The following TRAPPC13 variants were observed in gnomAD, a reference collection of about 807,000 sequenced individuals.
TRAPPC13 encodes the protein trafficking protein particle complex subunit 13.
TRAPPC13 carries 39 observed loss-of-function variants against 54.0 expected under a neutral mutation model. That is an observed-to-expected ratio of 0.72 (90% CI 0.56 to 0.94). TRAPPC13 has a LOEUF of 0.94. Ranked by LOEUF, TRAPPC13 falls within the 40% of genes least tolerant of loss-of-function variation. TRAPPC13 has a pLI of 0.00. For missense variants in TRAPPC13, 386 were observed against 488.1 expected (o/e 0.79, Z 1.97); for synonymous variants, 148 against 167.7 (o/e 0.88, Z 0.91).
In TRAPPC13 at chr5:65,643,130, G is replaced by T. The variant is rs183131900; in HGVS notation, c.301-3925G>T. ...GTATTTCACCTTCTACCCAAGGGTT[G>T]TTTAATGGAAAAGCTTTTTAGGGGG... On this transcript the variant is annotated intron_variant, in intron 4 of 12. Coordinates refer to ENST00000399438, the MANE Select transcript of TRAPPC13 (RefSeq NM_024941.4). Among the ~76,000 whole-genome samples, 911 of 149,980 alleles carry T rather than the reference G, an allele frequency of 6.1e-3. 10 individuals are homozygous for T. Among genetic ancestry groups the T allele is most frequent in the Middle Eastern group, 0.014 (4 of 290 alleles).
At chr5:65,633,313 C>G (rs958482261) in intron 1 of TRAPPC13, among the ~76,000 whole-genome samples, 5 of 151,470 alleles carry the variant, frequency 3.3e-5, no homozygotes, top group African/African-American at 9.7e-5. Context: ...CGGGGTCTTG[C>G]TCTGTTGCCC....
Position 65,652,538 on chromosome 5 carries a change from A to G in TRAPPC13, c.539A>G (p.Asn180Ser). 6.2e-7 allele frequency: 1 copy of G among 1,607,300 alleles called. No homozygotes were observed. The highest frequency in any genetic ancestry group is 8.5e-7 in the Non-Finnish European group (1 of 1,174,336). Residue 180 changes from asparagine (N) to serine (S), a missense_variant, in exon 7 of 13, where the codon AAT becomes AGT. By Grantham distance (46) the Asn-to-Ser change is conservative. Transcript: ENST00000399438. ...KPLDVKTKFY[N>S]AESDLSSVTD... ...TTGGATGTGAAAACCAAATTTTACA[A>G]TGCAGAGGTAAGTGTTGAGTGTTTA...
At chr5:65,635,196 T>C (rs1482921421) in intron 1 of TRAPPC13, 105 bp from the exon 2 acceptor site, 8 of 931,742 alleles carry the variant, frequency 8.6e-6, no homozygotes, top group Non-Finnish European at 1.3e-5. Context: ...ATTTAGGTTA[T>C]ATTTTATGTT....
chr5:65,658,106 T>C, intron 8 of TRAPPC13: 1 of 291,162 alleles, frequency 3.4e-6, no homozygotes, highest in Admixed American at 5.1e-5. Flanking sequence ...GTTAAGTATT[T>C]TGGGATGTTA....
intron 7 of TRAPPC13, among the ~76,000 whole-genome samples, chr5:65,653,433 A>C (rs35112421): frequency 0.034 from 5,252 of 152,280 alleles, 146 homozygotes; most frequent in Middle Eastern, 0.088. Flanking sequence ...TTACTCAGTA[A>C]AATTTATACT....
At chr5:65,626,574 A>C (rs1159590469) in intron 1 of TRAPPC13, among the ~76,000 whole-genome samples, 1 of 152,140 alleles carries the variant, frequency 6.6e-6, no homozygotes, top group African/African-American at 2.4e-5. Flanking sequence ...CGTCTCTATA[A>C]AAATACAAAA....
chr5:65,628,142 A>G (rs146335527), intron 1 of TRAPPC13, among the ~76,000 whole-genome samples: 333 of 152,296 alleles, frequency 2.2e-3, no homozygotes, highest in Middle Eastern at 0.01. Flanking sequence ...TCTTGAGCCT[A>G]TGCACCATAT....
At chr5:65,659,699 A>G (rs1756777369) in intron 9 of TRAPPC13, among the ~76,000 whole-genome samples, 1 of 152,206 alleles carries the variant, frequency 6.6e-6, no homozygotes, top group African/African-American at 2.4e-5. Flanking sequence ...TAAGAAAGTA[A>G]TAGGCTGGGT....
At chr5:65,653,592 C>T (rs891207839) in intron 7 of TRAPPC13, among the ~76,000 whole-genome samples, 3 of 151,908 alleles carry the variant, frequency 2.0e-5, no homozygotes, top group South Asian at 2.1e-4. Flanking sequence ...CAAGAGCTCT[C>T]GGGAATGTGA....
intron 7 of TRAPPC13, 44 bp downstream of exon 7, chr5:65,652,589 A>C (rs1302309216): frequency 1.4e-6 from 2 of 1,381,794 alleles, no homozygotes; most frequent in African/African-American, 2.9e-5. Flanking sequence ...AAACATTAAG[A>C]TCGTATTTGA....
chr5:65,654,234 A>G (rs1258732711), intron 7 of TRAPPC13, among the ~76,000 whole-genome samples: 2 of 152,214 alleles, frequency 1.3e-5, no homozygotes, highest in South Asian at 2.1e-4. Flanking sequence ...ATAAAAATTC[A>G]CAATTCCACC....
intron 9 of TRAPPC13, 147 bp from the exon 10 acceptor site, chr5:65,660,552 A>G (rs1294508824): frequency 2.0e-6 from 1 of 493,190 alleles, no homozygotes; most frequent in African/African-American, 2.0e-5. Flanking sequence ...CGTTCTTTTT[A>G]TTTGTATTGA....
intron 4 of TRAPPC13, among the ~76,000 whole-genome samples, chr5:65,643,000 T>A (rs575147795): frequency 6.6e-6 from 1 of 152,334 alleles, no homozygotes; most frequent in Non-Finnish European, 1.5e-5. Context: ...GTATCTTACA[T>A]TAAGACAATA....
chr5:65,630,717 A>G (rs1755510387), intron 1 of TRAPPC13: 6 of 976,352 alleles, frequency 6.1e-6, no homozygotes, highest in Non-Finnish European at 7.3e-6. Context: ...TTGGAGTGCT[A>G]TTTATGTGGC....
Position 65,664,667 on chromosome 5 carries a change from T to C in TRAPPC13, c.*56T>C. 1 of 1,299,128 alleles carries C rather than the reference T, an allele frequency of 7.7e-7. No homozygotes were observed. The highest frequency in any genetic ancestry group is 2.3e-5 in the East Asian group (1 of 42,942). The allele number at this position is 1,299,128 out of a possible 1,614,324, so 80.5% of individuals were successfully genotyped here. A position where few individuals can be genotyped will look rare whatever the true frequency, so the allele number is the denominator to read the frequency against. On this transcript the variant is annotated 3_prime_UTR_variant, in exon 13 of 13. Coordinates refer to ENST00000399438, the MANE Select transcript of TRAPPC13 (RefSeq NM_024941.4). ...AGTTTCACAGAACTGCTCTTTTTGT[T>C]ACCTTTGTAAAATGATGACGTCAAC...
intron 1 of TRAPPC13, among the ~76,000 whole-genome samples, chr5:65,626,544 T>A (rs1201314289): frequency 3.3e-5 from 5 of 152,106 alleles, no homozygotes; most frequent in Non-Finnish European, 5.9e-5. Context: ...AAGACCATCC[T>A]GGCTAACATA....
Position 65,635,982 on chromosome 5 carries a change from A to G in TRAPPC13, c.154A>G (p.Thr52Ala), listed in dbSNP as rs753984454. 12 of 1,601,580 alleles carry G rather than the reference A, an allele frequency of 7.5e-6. No individual in the cohort carries two copies. The East Asian group carries it at 1.1e-4, about 15-fold the overall frequency. ...CCAGCTGATGAGAGATGATCCTTCA[A>G]CCGTTAATGGTGCAGAAGTTTTAAT... Reference protein sequence around the residue: ...FNQLMRDDPSTVNGAEVLMLG... With the variant: ...FNQLMRDDPSAVNGAEVLMLG... Residue 52 changes from threonine to alanine, a missense_variant, in exon 3 of 13, where the codon ACC (threonine) becomes GCC (alanine). Physicochemically the swap from Thr to Ala is moderately conservative, Grantham distance 58. Coordinates refer to ENST00000399438, the MANE Select transcript of TRAPPC13 (RefSeq NM_024941.4).
chr5:65,650,157 C>CTT (rs34093188), intron 5 of TRAPPC13, among the ~76,000 whole-genome samples: 30 of 78,116 alleles, frequency 3.8e-4, no homozygotes, highest in African/African-American at 1.0e-3. Flanking sequence ...CACACCTGGC[C>CTT]TTTTTTTTTT....
rs529112792 is a variant in TRAPPC13 at position 65,637,579 on chromosome 5, C to T, written c.216-117C>T. 16 of 525,042 alleles carry T rather than the reference C, an allele frequency of 3.0e-5. No homozygotes were observed. The Admixed American group carries it at 4.1e-4, about 13-fold the overall frequency. The allele number at this position is 525,042 out of a possible 1,614,324, so 32.5% of individuals were successfully genotyped here. A position where few individuals can be genotyped will look rare whatever the true frequency, so the allele number is the denominator to read the frequency against. ...ATGGGAGGCGGAGTTTGCAGTGAGC[C>T]TAGATCGTGCCACTGCACTCCAGCC... On this transcript the variant is annotated intron_variant, in intron 3 of 12. Transcript: ENST00000399438.
Sources: gnomAD v4.1 joint callset for allele counts (sites outside exome capture counted in the v4.1 genomes callset) on GRCh38, gnomAD v4.1.1 for gene constraint, MANE v1.5 for transcripts, NCBI Gene and HGNC (gene_info 2026-07-23, HGNC 2026-07-21) for gene names.